Variants in NAV2 observed in about 807,000 individuals in gnomAD.
The protein encoded by NAV2 is helicase, APC down-regulated 1.
In NAV2, 54 loss-of-function variants were observed where a neutral mutation model predicts 223.2. The ratio of observed to expected loss-of-function variants is 0.24; its 90% confidence interval spans 0.19 to 0.30. NAV2 has a LOEUF of 0.30. Ranked by LOEUF, NAV2 falls within the 10% of genes least tolerant of loss-of-function variation. NAV2 has a pLI of 1.00. For synonymous variants in NAV2, 1,279 were observed against 1,239.3 expected (o/e 1.03, Z -0.67); for missense variants, 2,806 against 3,147.5 (o/e 0.89, Z 2.60).
chr11:20,085,096 A>G (rs570667183), intron 26 of NAV2, among the ~76,000 whole-genome samples: 1 of 151,964 alleles, frequency 6.6e-6, no homozygotes, highest in East Asian at 1.9e-4. Flanking sequence ...TGGGAGGCTG[A>G]GGCAGGAGGG....
chr11:19,610,281 T>C (rs1453803023), intron 1 of NAV2, among the ~76,000 whole-genome samples: 1 of 152,158 alleles, frequency 6.6e-6, no homozygotes, highest in Non-Finnish European at 1.5e-5. Context: ...CAAAAAAGGA[T>C]TTGAGGAGGC....
intron 11 of NAV2, among the ~76,000 whole-genome samples, chr11:20,014,826 C>T (rs745807282): frequency 2.0e-5 from 3 of 152,108 alleles, no homozygotes; most frequent in Admixed American, 6.5e-5. Context: ...CACTTGAACC[C>T]GGGAGGCAGA....
At chr11:19,397,843 C>T (rs1001910228) in intron 1 of NAV2, among the ~76,000 whole-genome samples, 1 of 152,032 alleles carries the variant, frequency 6.6e-6, no homozygotes, top group East Asian at 1.9e-4. Flanking sequence ...ATATGCTAAG[C>T]ATAAGCCCAT....
chr11:19,933,688 C>G lies in NAV2; in HGVS notation c.1444C>G (p.Leu482Val), dbSNP rs1387244817. The change falls in exon 7 of 38, where the codon CTG becomes GTG. Residue 482 changes from leucine (L) to valine (V), a missense_variant. By Grantham distance (32) the Leu-to-Val change is conservative. Transcript: ENST00000349880. The surrounding 1 kb of genome is among the most constrained non-coding windows in gnomAD (Gnocchi z 4.3). Reference sequence around the variant, plus strand: ...GGCACTGACCAACAAGAAGAGTTCTCTGAAAGGCAATGAGAAAGAGAAGGA... The same window carrying G: ...GGCACTGACCAACAAGAAGAGTTCTGTGAAAGGCAATGAGAAAGAGAAGGA... ...SRALTNKKSSLKGNEKEKEKQ... is the reference protein window; with the variant it reads ...SRALTNKKSSVKGNEKEKEKQ... The G allele has an allele frequency of 6.2e-7, 1 of 1,614,128 alleles. No homozygotes were observed. The highest frequency in any genetic ancestry group is 2.2e-5 in the East Asian group (1 of 44,862).
At chr11:20,022,479 TAATG>T (rs1470549552) in intron 11 of NAV2, 1 of 908,570 alleles carries the variant, frequency 1.1e-6, no homozygotes, top group Non-Finnish European at 1.3e-6. Context: ...TCACCGGAAA[TAATG>T]TATGTGTGTC....
intron 1 of NAV2, among the ~76,000 whole-genome samples, chr11:19,497,277 C>G (rs775101161): frequency 1.4e-4 from 21 of 152,330 alleles, no homozygotes; most frequent in Non-Finnish European, 7.3e-5. Context: ...AGTGCTTAGA[C>G]TGTGCCCAGA....
intron 1 of NAV2, among the ~76,000 whole-genome samples, chr11:19,550,165 T>C (rs2044644294): frequency 6.6e-6 from 1 of 152,140 alleles, no homozygotes; most frequent in Non-Finnish European, 1.5e-5. Context: ...GTTTGAGATA[T>C]TGTCTAGAAA....
intron 1 of NAV2, among the ~76,000 whole-genome samples, chr11:19,537,232 T>C (rs1256567403): frequency 6.6e-6 from 1 of 152,116 alleles, no homozygotes; most frequent in East Asian, 1.9e-4. Context: ...TAATAACTTT[T>C]CTAGAGCTAT....
chr11:19,433,868 A>C (rs1336893425), intron 1 of NAV2, among the ~76,000 whole-genome samples: 1 of 152,268 alleles, frequency 6.6e-6, no homozygotes, highest in Non-Finnish European at 1.5e-5. Context: ...ATTAGAGAAA[A>C]GTCTCAAAAA....
At chr11:20,075,571 CAATGAGAGAGAAGCT>C (rs1312319761) in intron 22 of NAV2, among the ~76,000 whole-genome samples, 1 of 152,004 alleles carries the variant, frequency 6.6e-6, no homozygotes, top group Admixed American at 6.6e-5. Context: ...AGAGGGAGTG[CAATGAGAGAGAAGCT>C]AACTATTCCA....
chr11:19,605,975 C>G (rs2046467228), intron 1 of NAV2, among the ~76,000 whole-genome samples: 1 of 152,184 alleles, frequency 6.6e-6, no homozygotes, highest in South Asian at 2.1e-4. Flanking sequence ...TGGAATCATA[C>G]CGTTTCAGAC....
At chr11:19,790,905 T>G (rs910924869) in intron 1 of NAV2, among the ~76,000 whole-genome samples, 1 of 152,158 alleles carries the variant, frequency 6.6e-6, no homozygotes, top group African/African-American at 2.4e-5. Flanking sequence ...TGCTTGTTTT[T>G]TTTTTTTTTA....
At chr11:19,881,198 G>T (rs1265473800) in intron 5 of NAV2, among the ~76,000 whole-genome samples, 1 of 152,208 alleles carries the variant, frequency 6.6e-6, no homozygotes, top group African/African-American at 2.4e-5. Context: ...TCCCAGTTGT[G>T]ATGATGTTAA....
chr11:19,978,150 G>A (rs1447848145), intron 10 of NAV2, among the ~76,000 whole-genome samples: 1 of 151,876 alleles, frequency 6.6e-6, no homozygotes, highest in Non-Finnish European at 1.5e-5. Context: ...TCAAAAGGAT[G>A]CAGGCAGCTT....
At chr11:19,817,546 G>C (rs181720725) in intron 1 of NAV2, among the ~76,000 whole-genome samples, 1 of 152,272 alleles carries the variant, frequency 6.6e-6, no homozygotes, top group East Asian at 1.9e-4. Flanking sequence ...GTCCGAGTTG[G>C]GGGAGGGAGG....
intron 36 of NAV2, among the ~76,000 whole-genome samples, chr11:20,113,902 C>T (rs1484250213): frequency 6.6e-6 from 1 of 152,170 alleles, no homozygotes; most frequent in Non-Finnish European, 1.5e-5. Flanking sequence ...GTCTCAGCTA[C>T]TTGGGAGGCT....
intron 1 of NAV2, among the ~76,000 whole-genome samples, chr11:19,457,854 C>T (rs777562145): frequency 2.0e-5 from 3 of 152,154 alleles, no homozygotes; most frequent in Non-Finnish European, 4.4e-5. Context: ...GAGTTGCAAA[C>T]TCATGTTTTG....
intron 1 of NAV2, among the ~76,000 whole-genome samples, chr11:19,816,908 T>A (rs562326492): frequency 6.6e-6 from 1 of 152,286 alleles, no homozygotes; most frequent in East Asian, 1.9e-4. Flanking sequence ...ACCTTTTTTT[T>A]TCCCCTCTGT....
chr11:20,096,181 C>T (rs532053285), intron 30 of NAV2, among the ~76,000 whole-genome samples: 4 of 152,304 alleles, frequency 2.6e-5, no homozygotes, highest in South Asian at 4.1e-4. Flanking sequence ...CTGATTTTCC[C>T]GGTATCCTGT....
Sources: allele counts gnomAD v4.1 joint callset (sites outside exome capture counted in the v4.1 genomes callset), GRCh38; gene constraint gnomAD v4.1.1; non-coding constraint Gnocchi (gnomAD v3.1); transcripts MANE v1.5; gene names NCBI Gene and HGNC (gene_info 2026-07-23, HGNC 2026-07-21).